ZFYVE26: variants seen among roughly 807,000 people sequenced by gnomAD.
The protein encoded by ZFYVE26 is zinc finger FYVE domain-containing protein 26.
A neutral mutation model predicts 276.5 loss-of-function variants in ZFYVE26; 181 were observed. The ratio of observed to expected loss-of-function variants is 0.65; its 90% CI spans 0.58 to 0.74. The LOEUF is 0.74. Ranked by LOEUF, ZFYVE26 falls within the 30% of genes least tolerant of loss-of-function variation. ZFYVE26 has a pLI of 0.00. For synonymous variants in ZFYVE26, 1,129 were observed against 1,203.1 expected (o/e 0.94, Z 1.27); for missense variants, 2,821 against 3,097.9 (o/e 0.91, Z 2.12).
rs113470179 is a variant in ZFYVE26, at chr14:67,761,257, C to T, written c.6588+109G>A. On this transcript the variant is annotated intron_variant, in intron 35 of 41. Coordinates refer to ENST00000347230, the MANE Select transcript of ZFYVE26 (RefSeq NM_015346.4). ...GACTCTGCTAGAGATGGCCCCATAGCTCAACACAGGGTTAAGTGTCAGGGG... is the reference window on the plus strand; with the variant it reads ...GACTCTGCTAGAGATGGCCCCATAGTTCAACACAGGGTTAAGTGTCAGGGG... 178 of 1,040,514 alleles carry T rather than the reference C, an allele frequency of 1.7e-4. 1 individual carries two copies. The African/African-American group carries it at 2.6e-3, about 15-fold the overall frequency. The allele number at this position is 1,040,514 out of a possible 1,614,324, so 64.5% of individuals were successfully genotyped here. A position where few individuals can be genotyped will look rare whatever the true frequency, so the allele number is the denominator to read the frequency against.
At chr14:67,758,725 A>G (rs1049614544) in intron 35 of ZFYVE26, among the ~76,000 whole-genome samples, 7 of 152,134 alleles carry the variant, frequency 4.6e-5, no homozygotes, top group Admixed American at 2.6e-4. Context: ...AACCTCTGCC[A>G]CGCAGGTTCA....
intron 3 of ZFYVE26, among the ~76,000 whole-genome samples, chr14:67,812,663 C>T (rs938664380): frequency 2.6e-5 from 4 of 152,104 alleles, no homozygotes; most frequent in Non-Finnish European, 5.9e-5. Flanking sequence ...AAAACAAGAA[C>T]GGGAAGTGGA....
Position 67,748,551 on chromosome 14 carries a change from T to C in ZFYVE26, c.7505A>G (p.Gln2502Arg). The C allele has an allele frequency of 6.2e-7, 1 of 1,614,178 alleles. No homozygotes were observed. Among genetic ancestry groups the C allele is most frequent in the South Asian group, 1.1e-5 (1 of 91,086 alleles). ...QEHSRATALV[Q>R]QVQQAAKSSG... ...GCTCTTGGCGGCCTGCTGCACCTGC[T>C]GGACAAGGGCTGTGGCCCGTGAGTG... The change falls in exon 42 of 42, where the codon CAG becomes CGG. Residue 2502 changes from glutamine (Q) to arginine (R), a missense_variant. Transcript: ENST00000347230.
intron 41 of ZFYVE26, 43 bp from the exon 42 acceptor site, chr14:67,748,682 C>G: frequency 6.2e-7 from 1 of 1,605,272 alleles, no homozygotes; most frequent in Non-Finnish European, 8.5e-7. Flanking sequence ...CATCCATCAC[C>G]GACAAATCAA....
chr14:67,733,988 C>A, intron 13 of ZFYVE26: 1 of 653,052 alleles, frequency 1.5e-6, no homozygotes, highest in Non-Finnish European at 2.8e-6. Flanking sequence ...CTTGACCCTT[C>A]TGGGAATGTT....
rs372400045 is a variant in ZFYVE26, at chr14:67,785,350, G to A, written c.3305-73C>T. 5.6e-5 allele frequency: 77 copies of A among 1,384,750 alleles called. No individual in the cohort carries two copies. In the African/African-American group the frequency reaches 1.0e-3, roughly 19 times the overall value. 85.8% of individuals were successfully genotyped at this position (1,384,750 alleles called of 1,614,324 possible). A position where few individuals can be genotyped will look rare whatever the true frequency, so the allele number is the denominator to read the frequency against. On this transcript the variant is annotated intron_variant, in intron 18 of 41. Transcript: ENST00000347230. ...TCCAGCTTTGGGTCAATTTCTGACT[G>A]GATATGTGAACTGTGCCCCCTATAC... is the stretch of plus-strand genomic sequence containing the variant.
Position 67,755,992 on chromosome 14 carries a change from T to G in ZFYVE26, c.6742A>C (p.Lys2248Gln). The G allele has an allele frequency of 6.2e-7, 1 of 1,614,250 alleles. No individual in the cohort carries two copies. Among genetic ancestry groups the G allele is most frequent in the Non-Finnish European group, 8.5e-7 (1 of 1,180,048 alleles). Residue 2248 changes from lysine to glutamine, a missense_variant, in exon 36 of 42, where the codon AAG becomes CAG. Coordinates refer to ENST00000347230, the MANE Select transcript of ZFYVE26 (RefSeq NM_015346.4). ...TCATACAGAATGTGGTAGTAGTTCT[T>G]CTTCTGTAAATGTTGGCAGGCAGCA... is the stretch of plus-strand genomic sequence containing the variant. Reference protein sequence around the residue: ...LIAACQHLQKKNYYHILYELQ... With the variant: ...LIAACQHLQKQNYYHILYELQ...
intron 24 of ZFYVE26, 125 bp downstream of exon 24, chr14:67,778,001 C>T: frequency 6.9e-7 from 1 of 1,439,788 alleles, no homozygotes; most frequent in Non-Finnish European, 9.7e-7. Flanking sequence ...CTATAACCAG[C>T]TCCTGAAAGA....
Position 67,807,917 on chromosome 14 carries a change from G to T in ZFYVE26, c.367C>A (p.Leu123Met). 1 of 1,614,186 alleles carries T rather than the reference G, an allele frequency of 6.2e-7. No individual in the cohort carries two copies. The highest frequency in any genetic ancestry group is 8.5e-7 in the Non-Finnish European group (1 of 1,180,024). Reference protein sequence around the residue: ...GDIPENILEELYETLTQGAVG... With the variant: ...GDIPENILEEMYETLTQGAVG... ...GCACCCTGTGTTAAGGTCTCATACA[G>T]CTCCTAAATAGAGGATGAAGAAAAG... Residue 123 changes from leucine to methionine, a missense_variant, in exon 5 of 42, where the codon CTG becomes ATG. Coordinates refer to ENST00000347230, the MANE Select transcript of ZFYVE26 (RefSeq NM_015346.4).
In ZFYVE26 at chr14:67,769,637, G is replaced by T. The variant is rs150477532; in HGVS notation, c.5578C>A (p.Pro1860Thr). The T allele has an allele frequency of 3.7e-6, 6 of 1,613,982 alleles. No homozygotes were observed. The highest frequency in any genetic ancestry group is 3.3e-5 in the Admixed American group (2 of 60,022). The change falls in exon 29 of 42, where the codon CCT becomes ACT. Residue 1860 changes from proline (P) to threonine (T), a missense_variant. Coordinates refer to ENST00000347230, the MANE Select transcript of ZFYVE26 (RefSeq NM_015346.4). ...KMVVEGCREN[P>T]ARVCDQCYSY... ...TAGCACTGATCACACACACGAGCAG[G>T]GTTCTCTCTGCAGCCTTCAACCACC...
chr14:67,741,316 A>G (rs2038413441), intron 13 of ZFYVE26, among the ~76,000 whole-genome samples: 1 of 152,210 alleles, frequency 6.6e-6, no homozygotes, highest in African/African-American at 2.4e-5. Flanking sequence ...AAATACACTT[A>G]TTATTTTCTT....
intron 10 of ZFYVE26, among the ~76,000 whole-genome samples, chr14:67,801,215 C>T (rs1472096352): frequency 2.6e-5 from 4 of 151,678 alleles, no homozygotes; most frequent in African/African-American, 9.7e-5. Flanking sequence ...CAAACCACTG[C>T]ACTCCAGCCT....
chr14:67,797,641 C>T, intron 12 of ZFYVE26, 31 bp downstream of exon 12: 3 of 1,611,262 alleles, frequency 1.9e-6, no homozygotes, highest in Non-Finnish European at 2.5e-6. Flanking sequence ...CACCACTTGC[C>T]TAGTGCATGG....
rs199830913 is a variant in ZFYVE26 at position 67,784,330 on chromosome 14, C to T, written c.3626+4G>A. On this transcript the variant is annotated splice_donor_region_variant and intron_variant, in intron 20 of 41. Transcript: ENST00000347230. The stretch of plus-strand genomic sequence containing the variant: ...TGGCTGACTTGCATGGAGGTGGCTC[C>T]TACCTCTCTGGGGGAACTTGTCTCT... 2 of 1,613,840 alleles carry T rather than the reference C, an allele frequency of 1.2e-6. No individual in the cohort carries two copies. Among genetic ancestry groups the T allele is most frequent in the East Asian group, 2.2e-5 (1 of 44,886 alleles).
Position 67,805,299 on chromosome 14 carries a change from C to T in ZFYVE26, c.1189G>A (p.Gly397Ser), listed in dbSNP as rs2040155723. The stretch of plus-strand genomic sequence containing the variant: ...GCATCCCTGAGGAGCTCATCACAGC[C>T]TGGGCCCTATGTTGATATGGGAGAA... ...LQTLHRTQGP[G>S]CDELLRDACD... The change falls in exon 8 of 42, where the codon GGC becomes AGC. Residue 397 changes from glycine to serine, a missense_variant. Physicochemically the swap from Gly to Ser is moderately conservative, Grantham distance 56. Coordinates refer to ENST00000347230, the MANE Select transcript of ZFYVE26 (RefSeq NM_015346.4). 6.2e-7 allele frequency: 1 copy of T among 1,614,046 alleles called. No homozygotes were observed. The highest frequency in any genetic ancestry group is 1.1e-5 in the South Asian group (1 of 91,076).
chr14:67,808,209 C>T (rs918511094), intron 4 of ZFYVE26, among the ~76,000 whole-genome samples: 2 of 152,130 alleles, frequency 1.3e-5, no homozygotes, highest in African/African-American at 4.8e-5. Flanking sequence ...CCTCCATGCT[C>T]CAGCTAGTCC....
chr14:67,814,545 AAACAAAC>A (rs1388800724), intron 2 of ZFYVE26, among the ~76,000 whole-genome samples: 1 of 151,952 alleles, frequency 6.6e-6, no homozygotes, highest in Non-Finnish European at 1.5e-5. Context: ...ACAAACAAAC[AAACAAAC>A]AAATCAGAAC....
chr14:67,802,338 G>C, intron 9 of ZFYVE26, 56 bp from the exon 10 acceptor site: 1 of 1,571,094 alleles, frequency 6.4e-7, no homozygotes, highest in Non-Finnish European at 8.8e-7. Context: ...CAGGATGCAA[G>C]TATGGGTGAA....
intron 10 of ZFYVE26, chr14:67,799,222 G>C: frequency 1.9e-6 from 3 of 1,613,180 alleles, no homozygotes; most frequent in Non-Finnish European, 1.7e-6. Flanking sequence ...ATATTAAACA[G>C]GCCTATCTGG....
Sources: gnomAD v4.1 joint callset for allele counts (sites outside exome capture counted in the v4.1 genomes callset) on GRCh38, gnomAD v4.1.1 for gene constraint, MANE v1.5 for transcripts, NCBI Gene and HGNC (gene_info 2026-07-23, HGNC 2026-07-21) for gene names.